The following NRG3 variants were observed in gnomAD, a reference collection of about 807,000 sequenced individuals.
The protein encoded by NRG3 is pro-neuregulin-3, membrane-bound isoform.
NRG3 carries 31 observed loss-of-function variants against 66.9 expected under a neutral mutation model. That is an observed-to-expected ratio of 0.46 (90% CI 0.35 to 0.63). The LOEUF (loss-of-function observed/expected upper bound fraction) is 0.63, where lower values mean the gene tolerates loss of function less well. Among genes scored for constraint, NRG3 ranks in the 20% least tolerant of loss-of-function variants. NRG3 has a pLI of 0.00. For synonymous variants in NRG3, 393 were observed against 359.4 expected (o/e 1.09, Z -1.06); for missense variants, 910 against 878.9 (o/e 1.04, Z -0.45).
intron 1 of NRG3, among the ~76,000 whole-genome samples, chr10:81,910,624 C>T (rs191026175): frequency 8.5e-4 from 130 of 152,156 alleles, no homozygotes; most frequent in African/African-American, 3.1e-3. Context: ...CTAAGGAGCA[C>T]AATTATTTTG....
intron 1 of NRG3, among the ~76,000 whole-genome samples, chr10:82,193,090 G>T (rs2074250461): frequency 6.6e-6 from 1 of 152,078 alleles, no homozygotes; most frequent in African/African-American, 2.4e-5. Flanking sequence ...TATTATAAGT[G>T]CAATGGGAAA....
intron 1 of NRG3, among the ~76,000 whole-genome samples, chr10:82,330,930 A>G (rs776574019): frequency 6.6e-6 from 1 of 152,144 alleles, no homozygotes; most frequent in Non-Finnish European, 1.5e-5. Context: ...TGTGTTTTCT[A>G]CTGAACAACA....
chr10:82,879,326 A>G (rs570358571), intron 4 of NRG3, among the ~76,000 whole-genome samples: 32 of 152,352 alleles, frequency 2.1e-4, no homozygotes, highest in Middle Eastern at 3.4e-3. Flanking sequence ...TTAAATGTCT[A>G]AAACGTATAA....
chr10:82,428,509 G>A (rs2089593728), intron 2 of NRG3, among the ~76,000 whole-genome samples: 2 of 151,780 alleles, frequency 1.3e-5, no homozygotes, highest in South Asian at 4.2e-4. Context: ...ACATATATTT[G>A]TGAATTTCCT....
At chr10:82,096,756 A>G (rs1319508090) in intron 1 of NRG3, among the ~76,000 whole-genome samples, 1 of 152,188 alleles carries the variant, frequency 6.6e-6, no homozygotes, top group Non-Finnish European at 1.5e-5. Flanking sequence ...AAAAATATAA[A>G]GCAAAGAGAG....
At chr10:82,971,836 C>A (rs555408300) in intron 6 of NRG3, among the ~76,000 whole-genome samples, 1 of 152,112 alleles carries the variant, frequency 6.6e-6, no homozygotes, top group South Asian at 2.1e-4. Context: ...ATGAAATATC[C>A]ATCTTTCTTC....
At chr10:82,947,272 A>G (rs534881158) in intron 4 of NRG3, among the ~76,000 whole-genome samples, 6 of 152,216 alleles carry the variant, frequency 3.9e-5, no homozygotes, top group African/African-American at 1.4e-4. Context: ...TCCATATTGT[A>G]GTTTCTATCA....
rs72827372 is a variant in NRG3, at chr10:82,369,589, G to A, written c.953+10721G>A. 3.6e-5 allele frequency among the ~76,000 whole-genome samples: 5 copies of A among 137,420 alleles called. No individual in the cohort carries two copies. In the South Asian group the frequency reaches 8.6e-4, roughly 24 times the overall value. The allele number at this position is 137,420 out of a possible 152,430, so 90.2% of individuals were successfully genotyped here. A position where few individuals can be genotyped will look rare whatever the true frequency, so the allele number is the denominator to read the frequency against. Reference sequence around the variant, plus strand: ...TGCTGGGATTATAGGTGTAAACCACGGTGCCTGGCTTAGCTCCCAAAACTT... The same window carrying A: ...TGCTGGGATTATAGGTGTAAACCACAGTGCCTGGCTTAGCTCCCAAAACTT... On this transcript the variant is annotated intron_variant, in intron 2 of 8. Transcript: ENST00000372141.
intron 1 of NRG3, among the ~76,000 whole-genome samples, chr10:82,111,480 G>A (rs1433017627): frequency 6.6e-6 from 1 of 152,052 alleles, no homozygotes; most frequent in Non-Finnish European, 1.5e-5. Context: ...CAGTTAATTA[G>A]CATGCCCTCT....
intron 4 of NRG3, among the ~76,000 whole-genome samples, chr10:82,932,782 AG>A (rs1244988928): frequency 1.3e-5 from 2 of 152,208 alleles, no homozygotes; most frequent in African/African-American, 4.8e-5. Context: ...TCTAAAGAGG[AG>A]GAAGGTCACT....
At chr10:82,716,676 A>C (rs1170846698) in intron 2 of NRG3, among the ~76,000 whole-genome samples, 1 of 152,210 alleles carries the variant, frequency 6.6e-6, no homozygotes, top group African/African-American at 2.4e-5. Flanking sequence ...TATTGAGGAA[A>C]GGTGTTAGGA....
At chr10:82,625,562 A>G (rs770264982) in intron 2 of NRG3, among the ~76,000 whole-genome samples, 4 of 152,124 alleles carry the variant, frequency 2.6e-5, no homozygotes, top group African/African-American at 9.7e-5. Context: ...TTGCTTGGCC[A>G]CTTTAGAGAT....
chr10:82,936,090 T>G lies in NRG3; in HGVS notation c.1055-15379T>G, dbSNP rs546624174. 2.0e-5 allele frequency among the ~76,000 whole-genome samples: 3 copies of G among 152,356 alleles called. No individual in the cohort carries two copies. In the East Asian group the frequency reaches 5.8e-4, roughly 29 times the overall value. On this transcript the variant is annotated intron_variant, in intron 4 of 8. Transcript: ENST00000372141. ...ATTGAGTACCTATGTGTGTTCATTT[T>G]GTAAAATTTTCTCACAGTGTAAATT...
chr10:82,009,808 C>T (rs926711485), intron 1 of NRG3, among the ~76,000 whole-genome samples: 3 of 152,182 alleles, frequency 2.0e-5, no homozygotes, highest in Non-Finnish European at 2.9e-5. Flanking sequence ...AGCCATGCCT[C>T]CTTTGGGCAT....
chr10:82,185,310 T>C (rs1382850159), intron 1 of NRG3, among the ~76,000 whole-genome samples: 2 of 152,222 alleles, frequency 1.3e-5, no homozygotes, highest in Non-Finnish European at 2.9e-5. Context: ...GTTGTTGTTT[T>C]AAGTAACACT....
intron 1 of NRG3, among the ~76,000 whole-genome samples, chr10:82,084,147 G>T (rs1367632054): frequency 2.0e-5 from 3 of 152,020 alleles, no homozygotes; most frequent in African/African-American, 7.2e-5. Context: ...AGAATTGCTT[G>T]AACCTGGGAG....
chr10:82,916,068 G>C (rs1845802105), intron 4 of NRG3, among the ~76,000 whole-genome samples: 1 of 152,096 alleles, frequency 6.6e-6, no homozygotes, highest in African/African-American at 2.4e-5. Flanking sequence ...ATTTGTATAA[G>C]GCTTTACATT....
At chr10:82,473,684 A>G (rs978204963) in intron 2 of NRG3, among the ~76,000 whole-genome samples, 2 of 152,156 alleles carry the variant, frequency 1.3e-5, no homozygotes, top group Non-Finnish European at 2.9e-5. Flanking sequence ...TTGGTGGCCC[A>G]GTCCTCAGCT....
chr10:81,955,101 T>TATAAAATATA (rs1444118979), intron 1 of NRG3, among the ~76,000 whole-genome samples: 3 of 141,270 alleles, frequency 2.1e-5, no homozygotes, highest in African/African-American at 8.3e-5. Flanking sequence ...AAATATATGT[T>TATAAAATATA]TGTTCTGTTA....
Sources: gnomAD v4.1 joint callset for allele counts (sites outside exome capture counted in the v4.1 genomes callset) on GRCh38, gnomAD v4.1.1 for gene constraint, MANE v1.5 for transcripts, NCBI Gene and HGNC (gene_info 2026-07-23, HGNC 2026-07-21) for gene names.